Variants in HPGDS observed in about 807,000 individuals in gnomAD.
HPGDS encodes the protein GST class-sigma.
Under a neutral mutation model 23.1 loss-of-function variants are expected in HPGDS, and 26 were observed. The ratio of observed to expected loss-of-function variants is 1.13; its 90% confidence interval spans 0.83 to 1.56. HPGDS has a LOEUF of 1.56. Ranked by LOEUF, HPGDS falls within the 40% of genes most tolerant of loss-of-function variation. The pLI, the probability that HPGDS is intolerant of heterozygous loss-of-function variation, is 0.00. For missense variants in HPGDS, 268 were observed against 236.4 expected (o/e 1.13, Z -0.88); for synonymous variants, 95 against 77.9 (o/e 1.22, Z -1.16).
At position 94,299,510 on chromosome 4, in the gene HPGDS, C is replaced by G. The variant is rs151209426; in HGVS notation, c.570G>C (p.Trp190Cys). The G allele has an allele frequency of 2.5e-5, 40 of 1,613,004 alleles. 1 individual carries two copies. In the East Asian group the frequency reaches 8.7e-4, roughly 35 times the overall value. The change falls in exon 6 of 6, where the codon TGG becomes TGC. Residue 190 changes from tryptophan to cysteine, a missense_variant. Coordinates refer to ENST00000295256, the MANE Select transcript of HPGDS (RefSeq NM_014485.3). ...GTTTGGTTTGGGGCCTTCGTTTTAT[C>G]CAGTTAGCGACGGCAGGAATGGCTT... ...KVQAIPAVAN[W>C]IKRRPQTKL
chr4:94,306,448 C>T (rs1007481831), intron 4 of HPGDS, among the ~76,000 whole-genome samples: 2 of 152,032 alleles, frequency 1.3e-5, no homozygotes, highest in Admixed American at 6.6e-5. Flanking sequence ...AAATTTGAAG[C>T]TAGTAAGCAG....
intron 2 of HPGDS, among the ~76,000 whole-genome samples, chr4:94,325,748 C>A (rs115843454): frequency 1.3e-5 from 2 of 152,164 alleles, no homozygotes; most frequent in Non-Finnish European, 1.5e-5. Flanking sequence ...CTGGGTGAGG[C>A]AATACCCCAC....
intron 4 of HPGDS, among the ~76,000 whole-genome samples, chr4:94,304,492 T>C (rs1484784641): frequency 6.6e-6 from 1 of 152,102 alleles, no homozygotes; most frequent in Non-Finnish European, 1.5e-5. Context: ...TTAAGGTGTA[T>C]ATGACAAGAA....
chr4:94,305,901 C>G (rs1047359214), intron 4 of HPGDS, among the ~76,000 whole-genome samples: 52 of 152,216 alleles, frequency 3.4e-4, no homozygotes, highest in African/African-American at 1.0e-3. Flanking sequence ...GTTCACAGTT[C>G]TGTCAGTTGT....
chr4:94,314,255 C>T (rs1756345413), intron 3 of HPGDS, among the ~76,000 whole-genome samples: 3 of 152,066 alleles, frequency 2.0e-5, no homozygotes, highest in Admixed American at 2.0e-4. Flanking sequence ...CTGTTTTTTC[C>T]CCATCTTTGT....
chr4:94,299,462 G>A lies in HPGDS; in HGVS notation c.*18C>T. 1 of 1,586,040 alleles carries A rather than the reference G, an allele frequency of 6.3e-7. No individual in the cohort carries two copies. The highest frequency in any genetic ancestry group is 8.6e-7 in the Non-Finnish European group (1 of 1,163,124). On this transcript the variant is annotated 3_prime_UTR_variant, in exon 6 of 6. Transcript: ENST00000295256. ...AGATGCCCCCGAGAAAAACAAACTT[G>A]AAGGCAACATGGATCAGCTAGAGTT...
In HPGDS at chr4:94,321,338, A is replaced by G. The variant is rs768022969; in HGVS notation, c.134-3373T>C. On this transcript the variant is annotated intron_variant, in intron 2 of 5. Coordinates refer to ENST00000295256, the MANE Select transcript of HPGDS (RefSeq NM_014485.3). ...GGTGGCTGGGGATGGCATTGAATCT[A>G]TAAATTACCTTGGGCAGTATGGCCA... Among the ~76,000 whole-genome samples, 30 of 152,204 alleles carry G rather than the reference A, an allele frequency of 2.0e-4. 1 individual carries two copies. Among genetic ancestry groups the G allele is most frequent in the Non-Finnish European group, 3.7e-4 (25 of 68,038 alleles).
At chr4:94,311,510 G>A (rs4532205) in intron 3 of HPGDS, among the ~76,000 whole-genome samples, 5 of 150,772 alleles carry the variant, frequency 3.3e-5, no homozygotes, top group Admixed American at 2.0e-4. Context: ...GGTGGATAAG[G>A]TTTTTGATGT....
At chr4:94,330,048 A>G (rs1354490907) in intron 2 of HPGDS, among the ~76,000 whole-genome samples, 1 of 152,220 alleles carries the variant, frequency 6.6e-6, no homozygotes, top group Non-Finnish European at 1.5e-5. Context: ...CTCCATAGGT[A>G]TCACACCTTA....
chr4:94,310,465 G>T (rs780740319), intron 3 of HPGDS, among the ~76,000 whole-genome samples: 6 of 152,032 alleles, frequency 3.9e-5, no homozygotes, highest in African/African-American at 1.4e-4. Flanking sequence ...ATTTCTGAGG[G>T]CTCTGTTCTG....
At chr4:94,327,114 G>A (rs1756645970) in intron 2 of HPGDS, among the ~76,000 whole-genome samples, 1 of 151,718 alleles carries the variant, frequency 6.6e-6, no homozygotes, top group Non-Finnish European at 1.5e-5. Flanking sequence ...CTGGGTGTGT[G>A]GATTCCTAGG....
chr4:94,323,783 T>G (rs905949687), intron 2 of HPGDS, among the ~76,000 whole-genome samples: 1 of 152,306 alleles, frequency 6.6e-6, no homozygotes, highest in South Asian at 2.1e-4. Flanking sequence ...AATATTGTTA[T>G]GTGTGAATTT....
At chr4:94,322,936 G>A (rs2126042030) in intron 2 of HPGDS, among the ~76,000 whole-genome samples, 2 of 152,306 alleles carry the variant, frequency 1.3e-5, no homozygotes, top group South Asian at 4.1e-4. Context: ...TGCTTTAAAT[G>A]TATCCCAGAG....
At position 94,329,608 on chromosome 4, in the gene HPGDS, G is replaced by GTCTA. The variant is rs375276734; in HGVS notation, c.133+4888_133+4889insTAGA. Among the ~76,000 whole-genome samples the GTCTA allele has an allele frequency of 7.8e-4, 118 of 152,254 alleles. 2 individuals are homozygous for GTCTA. The East Asian group carries it at 0.021, about 27-fold the overall frequency. ...AATGTGAAACTAGAATCAAAGGGTA[G>GTCTA]TAGAATAAAGGGCAGATGAAGAATA... is the stretch of plus-strand genomic sequence containing the variant. On this transcript the variant is annotated intron_variant, in intron 2 of 5. Coordinates refer to ENST00000295256, the MANE Select transcript of HPGDS (RefSeq NM_014485.3).
intron 2 of HPGDS, among the ~76,000 whole-genome samples, chr4:94,319,812 G>A (rs1233771261): frequency 6.6e-6 from 1 of 152,130 alleles, no homozygotes; most frequent in African/African-American, 2.4e-5. Flanking sequence ...TGCACAATGT[G>A]CAGGTTTGTT....
chr4:94,330,434 CT>C (rs1012075356), intron 2 of HPGDS, among the ~76,000 whole-genome samples: 4 of 152,040 alleles, frequency 2.6e-5, no homozygotes, highest in South Asian at 2.1e-4. Flanking sequence ...TCAGAAATAG[CT>C]TTTTTTTCCA....
Position 94,322,126 on chromosome 4 carries a change from G to A in HPGDS, c.134-4161C>T, listed in dbSNP as rs117394309. ...CCAGGAATGAAGCCAGCTTGATCTT[G>A]GTGGATAAGGTTTTTGATGTGTTGC... On this transcript the variant is annotated intron_variant, in intron 2 of 5. Coordinates refer to ENST00000295256, the MANE Select transcript of HPGDS (RefSeq NM_014485.3). Among the ~76,000 whole-genome samples, 119 of 152,254 alleles carry A rather than the reference G, an allele frequency of 7.8e-4. 2 individuals are homozygous for A. The East Asian group carries it at 0.021, about 27-fold the overall frequency.
intron 3 of HPGDS, among the ~76,000 whole-genome samples, chr4:94,312,788 T>C (rs1391782686): frequency 6.6e-6 from 1 of 152,220 alleles, no homozygotes; most frequent in Non-Finnish European, 1.5e-5. Context: ...TTTGTAGGTC[T>C]CTAAGGACTT....
chr4:94,327,394 G>A lies in HPGDS; in HGVS notation c.133+7103C>T, dbSNP rs148738688. The stretch of plus-strand genomic sequence containing the variant: ...TGCATGTTTGCACCAGTGGCAGCAG[G>A]CAGGGCACGTTGATCCCCAGACCCC... On this transcript the variant is annotated intron_variant, in intron 2 of 5. Transcript: ENST00000295256. Among the ~76,000 whole-genome samples, 841 of 152,198 alleles carry A rather than the reference G, an allele frequency of 5.5e-3. 4 individuals carry two copies. Among genetic ancestry groups the A allele is most frequent in the African/African-American group, 0.019 (785 of 41,494 alleles).
Sources: gnomAD v4.1 joint callset for allele counts (sites outside exome capture counted in the v4.1 genomes callset) on GRCh38, gnomAD v4.1.1 for gene constraint, MANE v1.5 for transcripts, NCBI Gene and HGNC (gene_info 2026-07-23, HGNC 2026-07-21) for gene names.